The following ZNF438 variants were observed in gnomAD, a reference collection of about 807,000 sequenced individuals.
ZNF438 encodes the protein zinc finger protein 438.
A neutral mutation model predicts 38.0 loss-of-function variants in ZNF438; 25 were observed. That is an observed-to-expected ratio of 0.66 (90% CI 0.48 to 0.92). The LOEUF is 0.92. Among genes scored for constraint, ZNF438 ranks in the 40% least tolerant of loss-of-function variants. The pLI, the probability that ZNF438 is intolerant of heterozygous loss-of-function variation, is 0.00. For missense variants in ZNF438, 1,007 were observed against 999.6 expected, an observed-to-expected ratio of 1.01 and a Z score of -0.10; for synonymous variants, 372 against 364.1, an observed-to-expected ratio of 1.02 and a Z score of -0.25.
chr10:30,844,987 C>G, exon 6 of ZNF438: 1 of 1,613,858 alleles, frequency 6.2e-7, no homozygotes, highest in Non-Finnish European at 8.5e-7. Context: ...CTGGAAAGTT[C>G]GATCACTCCC....
chr10:30,889,428 G>A (rs73249025), intron 3 of ZNF438, among the ~76,000 whole-genome samples: 5,250 of 151,728 alleles, frequency 0.035, 309 homozygotes, highest in African/African-American at 0.12. Context: ...CTCTTCTCTC[G>A]TCTCCTGAGT....
intron 1 of ZNF438, among the ~76,000 whole-genome samples, chr10:30,990,642 C>G (rs1444061723): frequency 6.6e-6 from 1 of 152,156 alleles, no homozygotes; most frequent in South Asian, 2.1e-4. Context: ...AGTTCATGGA[C>G]AGCTGCCAAT....
intron 2 of ZNF438, among the ~76,000 whole-genome samples, chr10:30,936,189 C>A (rs1212798604): frequency 1.3e-5 from 2 of 152,086 alleles, no homozygotes; most frequent in African/African-American, 4.8e-5. Flanking sequence ...ACCTCTAAAG[C>A]CCGATTTGCT....
chr10:30,953,257 T>G (rs909594634), intron 1 of ZNF438, among the ~76,000 whole-genome samples: 1 of 148,326 alleles, frequency 6.7e-6, no homozygotes, highest in Admixed American at 6.8e-5. Context: ...TGTTGTGTGG[T>G]GGGGGTAGAG....
chr10:30,984,824 T>C (rs897090952), intron 1 of ZNF438, among the ~76,000 whole-genome samples: 1 of 152,212 alleles, frequency 6.6e-6, no homozygotes, highest in African/African-American at 2.4e-5. Flanking sequence ...AGTTTGGGAT[T>C]TGAAGATTTT....
At chr10:30,871,016 T>C (rs2037326126) in intron 4 of ZNF438, among the ~76,000 whole-genome samples, 3 of 152,118 alleles carry the variant, frequency 2.0e-5, no homozygotes, top group Non-Finnish European at 1.5e-5. Flanking sequence ...AGGGGAGATA[T>C]GGCCAAGGAG....
At chr10:31,027,852 AAATAT>A (rs2057040861) in intron 1 of ZNF438, among the ~76,000 whole-genome samples, 1 of 152,158 alleles carries the variant, frequency 6.6e-6, no homozygotes, top group Non-Finnish European at 1.5e-5. Context: ...GCTTAAAACA[AAATAT>A]AATTTTATAT....
intron 3 of ZNF438, among the ~76,000 whole-genome samples, chr10:30,895,300 G>C (rs951595295): frequency 6.6e-6 from 1 of 152,224 alleles, no homozygotes; most frequent in African/African-American, 2.4e-5. Flanking sequence ...GCAACACTTC[G>C]AGTTAGGGCA....
chr10:30,857,638 T>A, intron 4 of ZNF438: 2 of 1,425,424 alleles, frequency 1.4e-6, no homozygotes, highest in Non-Finnish European at 9.6e-7. Context: ...AATAGTCATT[T>A]GAAAGCAAAA....
intron 3 of ZNF438, among the ~76,000 whole-genome samples, chr10:30,903,074 G>C (rs537551123): frequency 6.6e-6 from 1 of 152,168 alleles, no homozygotes; most frequent in South Asian, 2.1e-4. Flanking sequence ...TGGCAGGGCC[G>C]GCCAGCCAGC....
chr10:30,996,142 T>C (rs1005778386), intron 1 of ZNF438, among the ~76,000 whole-genome samples: 6 of 152,008 alleles, frequency 3.9e-5, no homozygotes, highest in African/African-American at 1.5e-4. Context: ...AGCATCACAC[T>C]ACAATATATC....
intron 2 of ZNF438, among the ~76,000 whole-genome samples, chr10:30,918,845 A>G (rs1181394101): frequency 6.6e-6 from 1 of 152,182 alleles, no homozygotes; most frequent in East Asian, 1.9e-4. Flanking sequence ...CCATTACCTC[A>G]GTCTGCAGTT....
chr10:30,883,725 T>C (rs1226949889), intron 3 of ZNF438, among the ~76,000 whole-genome samples: 2 of 151,958 alleles, frequency 1.3e-5, no homozygotes, highest in African/African-American at 4.8e-5. Flanking sequence ...AAAAAACCCA[T>C]CTCTACAAAA....
chr10:31,018,133 C>T (rs926541421), intron 1 of ZNF438, among the ~76,000 whole-genome samples: 5 of 152,194 alleles, frequency 3.3e-5, no homozygotes, highest in African/African-American at 1.2e-4. Context: ...GAAAATCTAA[C>T]AGGAGATTCC....
chr10:30,864,414 C>T (rs1213144958), intron 4 of ZNF438, among the ~76,000 whole-genome samples: 1 of 152,260 alleles, frequency 6.6e-6, no homozygotes, highest in Middle Eastern at 3.4e-3. Flanking sequence ...TGTGACCATC[C>T]TGTCTAAAAG....
intron 1 of ZNF438, among the ~76,000 whole-genome samples, chr10:30,998,815 C>A (rs891822335): frequency 1.3e-5 from 2 of 151,988 alleles, no homozygotes; most frequent in Non-Finnish European, 2.9e-5. Flanking sequence ...ACACAGTATA[C>A]CATGATATAG....
rs373159272 is a variant in ZNF438, at chr10:30,995,288, C to A, written c.-192+36545G>T. Among the ~76,000 whole-genome samples, 59 of 152,148 alleles carry A rather than the reference C, an allele frequency of 3.9e-4. No homozygotes were observed. The East Asian group carries it at 4.4e-3, about 11-fold the overall frequency. ...AATGACCAGACAAGTACAAAGCAGC[C>A]CCCAATACGATTAACAGCTGACTTC... On this transcript the variant is annotated intron_variant, in intron 1 of 5. Transcript: ENST00000413025.
rs150140365 is a variant in ZNF438 at position 30,845,037 on chromosome 10, G to C, written c.2411C>G (p.Pro804Arg). The C allele has an allele frequency of 2.5e-6, 4 of 1,614,062 alleles. No homozygotes were observed. The African/African-American group carries it at 4.0e-5, about 16-fold the overall frequency. Residue 804 changes from proline to arginine, a missense_variant, in exon 6 of 6, where the codon CCT (proline) becomes CGT (arginine). Transcript: ENST00000413025. ...ATTTAAAATAGCCCACAGTTTGGAA[G>C]GGTCCTCACAGTTATGCTGGTGCTT...
chr10:31,030,838 C>T (rs1374952814), intron 1 of ZNF438, among the ~76,000 whole-genome samples: 1 of 152,158 alleles, frequency 6.6e-6, no homozygotes, highest in Non-Finnish European at 1.5e-5. Flanking sequence ...TAATGTAGTA[C>T]CCCTTGACCA....
Sources: gnomAD v4.1 joint callset for allele counts (sites outside exome capture counted in the v4.1 genomes callset) on GRCh38, gnomAD v4.1.1 for gene constraint, MANE v1.5 for transcripts, NCBI Gene and HGNC (gene_info 2026-07-23, HGNC 2026-07-21) for gene names.